The following SF3B1 variants were observed in gnomAD, a reference collection of about 807,000 sequenced individuals.
SF3B1 encodes splicing factor 3b subunit 1.
A neutral mutation model predicts 153.8 loss-of-function variants in SF3B1; 12 were observed. That is an observed-to-expected ratio of 0.08 (90% CI 0.05 to 0.13). The LOEUF (loss-of-function observed/expected upper bound fraction) is 0.13. Ranked by LOEUF, SF3B1 falls within the 10% of genes least tolerant of loss-of-function variation. The pLI, the probability that SF3B1 is intolerant of heterozygous loss-of-function variation, is 1.00. For missense variants in SF3B1, 513 were observed against 1,606.1 expected, an observed-to-expected ratio of 0.32 and a Z score of 11.63; for synonymous variants, 498 against 525.2, an observed-to-expected ratio of 0.95 and a Z score of 0.71.
chr2:197,392,509 T>C (rs2084820602), intron 24 of SF3B1, 48 bp from the exon 25 acceptor site: 1 of 655,916 alleles, frequency 1.5e-6, no homozygotes, highest in Non-Finnish European at 2.3e-6. Context: ...AGAACATACA[T>C]AACCTTAACA....
intron 1 of SF3B1, among the ~76,000 whole-genome samples, chr2:197,433,273 T>C (rs147593256): frequency 2.6e-5 from 4 of 152,370 alleles, no homozygotes; most frequent in Non-Finnish European, 4.4e-5. Flanking sequence ...TTCACATTGA[T>C]AGAATAATCT....
rs1450077750 is a variant in SF3B1, at chr2:197,401,642, G to T, written c.2370+100C>A. On this transcript the variant is annotated intron_variant, in intron 16 of 24. Coordinates refer to ENST00000335508, the MANE Select transcript of SF3B1 (RefSeq NM_012433.4). This position sits in a 1 kb window ranked among gnomAD's most constrained non-coding sequence, Gnocchi z 4.2. ...TAAAAACAAATCAAACAGTATTCGT[G>T]TAACATACAGTTTTTTTTGTTGATT... The T allele has an allele frequency of 3.4e-6, 5 of 1,467,664 alleles. No homozygotes were observed. The highest frequency in any genetic ancestry group is 4.7e-6 in the Non-Finnish European group (5 of 1,070,800). The allele number at this position is 1,467,664 out of a possible 1,614,324, so 90.9% of individuals were successfully genotyped here.
intron 6 of SF3B1, among the ~76,000 whole-genome samples, chr2:197,412,753 G>A (rs1421537025): frequency 1.3e-5 from 2 of 151,512 alleles, no homozygotes. Flanking sequence ...GGGAGGCCAA[G>A]GCGGGTGGGT....
At chr2:197,419,544 G>C (rs953001263) in intron 4 of SF3B1, 2 of 220,668 alleles carry the variant, frequency 9.1e-6, no homozygotes, top group Non-Finnish European at 9.1e-6. Flanking sequence ...CACTAGCTCT[G>C]ATAAGACTTC....
intron 1 of SF3B1, among the ~76,000 whole-genome samples, chr2:197,428,859 C>A (rs2085378031): frequency 6.6e-6 from 1 of 152,030 alleles, no homozygotes; most frequent in Non-Finnish European, 1.5e-5. Flanking sequence ...CACAGCACTG[C>A]ACTCTGGCCT....
At chr2:197,422,229 T>C (rs1407839933) in intron 2 of SF3B1, among the ~76,000 whole-genome samples, 1 of 152,002 alleles carries the variant, frequency 6.6e-6, no homozygotes, top group African/African-American at 2.4e-5. Context: ...TTTCACCTTT[T>C]GGGATTTTTA....
intron 6 of SF3B1, 31 bp from the exon 7 acceptor site, chr2:197,410,038 C>T (rs1001811998): frequency 1.4e-6 from 2 of 1,387,590 alleles, no homozygotes; most frequent in Admixed American, 3.9e-5. Flanking sequence ...TTATTTCACA[C>T]ACCCACACAG....
Position 197,400,046 on chromosome 2 carries a change from A to C in SF3B1, c.3013+9T>G, listed in dbSNP as rs762023375. 6.5e-7 allele frequency: 1 copy of C among 1,546,592 alleles called. No homozygotes were observed. The highest frequency in any genetic ancestry group is 8.9e-7 in the Non-Finnish European group (1 of 1,126,096). ...AGAAAAAGTCTTATGTAACCAGCAA[A>C]TTCCATACCTATGACATTTACAATG... On this transcript the variant is annotated intron_variant, in intron 20 of 24. Transcript: ENST00000335508. The surrounding 1 kb of genome is among the most constrained non-coding windows in gnomAD (Gnocchi z 5.0).
chr2:197,399,903 T>A, intron 20 of SF3B1, 152 bp downstream of exon 20: 2 of 607,022 alleles, frequency 3.3e-6, no homozygotes, highest in Non-Finnish European at 5.8e-6. Flanking sequence ...ACAAGACTTT[T>A]GTGACATCCC....
chr2:197,425,461 C>T (rs951687383), intron 1 of SF3B1, among the ~76,000 whole-genome samples: 3 of 150,972 alleles, frequency 2.0e-5, no homozygotes, highest in Admixed American at 6.6e-5. Context: ...AGCGAAACTC[C>T]GTCTCAAAAA....
At chr2:197,415,871 C>T (rs926780657) in intron 6 of SF3B1, among the ~76,000 whole-genome samples, 2 of 152,140 alleles carry the variant, frequency 1.3e-5, no homozygotes, top group African/African-American at 2.4e-5. Context: ...ATGATCATAG[C>T]TCACTGCAAC....
In SF3B1 at chr2:197,400,504, G is replaced by T; in HGVS notation, c.2719-70C>A. The T allele has an allele frequency of 7.4e-7, 1 of 1,353,696 alleles. No homozygotes were observed. Among genetic ancestry groups the T allele is most frequent in the Non-Finnish European group, 1.0e-6 (1 of 988,248 alleles). 83.9% of individuals were successfully genotyped at this position (1,353,696 alleles called of 1,614,324 possible). A position where few individuals can be genotyped will look rare whatever the true frequency, so the allele number is the denominator to read the frequency against. ...ACTGCACAGTTGAAATACACTAAGA[G>T]TCAACCTTTTCTAACCACCCAAACA... On this transcript the variant is annotated intron_variant, in intron 18 of 24. Coordinates refer to ENST00000335508, the MANE Select transcript of SF3B1 (RefSeq NM_012433.4). The surrounding 1 kb of genome is among the most constrained non-coding windows in gnomAD (Gnocchi z 5.0).
At chr2:197,407,414 G>A (rs1199418019) in intron 9 of SF3B1, among the ~76,000 whole-genome samples, 1 of 152,120 alleles carries the variant, frequency 6.6e-6, no homozygotes, top group Non-Finnish European at 1.5e-5. Context: ...AGATCAGCCT[G>A]GCCAGCATGG....
chr2:197,423,751 C>G (rs2085286273), intron 2 of SF3B1, 57 bp downstream of exon 2: 1 of 1,535,010 alleles, frequency 6.5e-7, no homozygotes. Flanking sequence ...AAAAGTTATT[C>G]ATATTTCTTG....
chr2:197,414,820 C>T (rs2085123278), intron 6 of SF3B1, among the ~76,000 whole-genome samples: 2 of 152,062 alleles, frequency 1.3e-5, no homozygotes, highest in African/African-American at 4.8e-5. Context: ...GCCTGGACAA[C>T]ATGGTGAGAC....
intron 5 of SF3B1, 147 bp downstream of exon 5, chr2:197,418,357 GTATAA>G: frequency 1.9e-6 from 1 of 516,602 alleles, no homozygotes; most frequent in Non-Finnish European, 3.3e-6. Context: ...TTGGAAGGTG[GTATAA>G]TTTGGGGGTA....
chr2:197,421,150 C>G lies in SF3B1; in HGVS notation c.196-17G>C, dbSNP rs754345524. 9.9e-6 allele frequency: 15 copies of G among 1,510,528 alleles called. No homozygotes were observed. The highest frequency in any genetic ancestry group is 1.7e-4 in the Middle Eastern group (1 of 5,886). The allele number at this position is 1,510,528 out of a possible 1,614,324, so 93.6% of individuals were successfully genotyped here. The stretch of plus-strand genomic sequence containing the variant: ...ATCGTCATCCTGCAATGAAAACCCC[C>G]CAAAAAGCCATAAACAAAATGTTAG... On this transcript the variant is annotated splice_polypyrimidine_tract_variant and intron_variant, in intron 2 of 24. Transcript: ENST00000335508.
chr2:197,396,592 A>C (rs1187700267), intron 22 of SF3B1, among the ~76,000 whole-genome samples: 1 of 152,200 alleles, frequency 6.6e-6, no homozygotes, highest in Non-Finnish European at 1.5e-5. Context: ...AAGTTAACTC[A>C]ATTTTCAAAT....
At chr2:197,399,232 G>A (rs1476539222) in intron 20 of SF3B1, among the ~76,000 whole-genome samples, 1 of 152,156 alleles carries the variant, frequency 6.6e-6, no homozygotes, top group Admixed American at 6.5e-5. Context: ...AAGTATAGAG[G>A]ATAGGGTTGC....
Sources: allele counts gnomAD v4.1 joint callset (sites outside exome capture counted in the v4.1 genomes callset), GRCh38; gene constraint gnomAD v4.1.1; non-coding constraint Gnocchi (gnomAD v3.1); transcripts MANE v1.5; gene names NCBI Gene and HGNC (gene_info 2026-07-23, HGNC 2026-07-21).